Variants in RNF144A observed in about 807,000 individuals in gnomAD.
RNF144A encodes E3 ubiquitin-protein ligase RNF144A.
Under a neutral mutation model 38.7 loss-of-function variants are expected in RNF144A, and 11 were observed. The ratio of observed to expected loss-of-function variants is 0.28; its 90% CI spans 0.18 to 0.47. The LOEUF (loss-of-function observed/expected upper bound fraction) is 0.47. RNF144A is among the 20% of genes least tolerant of loss of function. The pLI is 0.99. For synonymous variants in RNF144A, 149 were observed against 143.9 expected (o/e 1.04, Z -0.25); for missense variants, 316 against 377.2 (o/e 0.84, Z 1.34).
At chr2:6,980,743 A>G (rs1022378626) in intron 2 of RNF144A, among the ~76,000 whole-genome samples, 3 of 152,164 alleles carry the variant, frequency 2.0e-5, no homozygotes, top group African/African-American at 7.2e-5. Context: ...TCACAGCTCC[A>G]CTAGGCAGTG....
chr2:7,047,805 T>G (rs10206107), downstream of RNF144A, among the ~76,000 whole-genome samples: 1,765 of 152,246 alleles, frequency 0.012, 13 homozygotes, highest in Non-Finnish European at 0.015. Context: ...TTTCCATGGG[T>G]TGTGTTTCAT....
At position 6,923,819 on chromosome 2, in the gene RNF144A, G is replaced by A. The variant is rs576200302; in HGVS notation, c.-212+6197G>A. Among the ~76,000 whole-genome samples the A allele has an allele frequency of 1.5e-3, 231 of 150,114 alleles. 1 individual carries two copies. Among genetic ancestry groups the A allele is most frequent in the African/African-American group, 5.5e-3 (224 of 40,884 alleles). On this transcript the variant is annotated intron_variant, in intron 1 of 8. Coordinates refer to ENST00000320892, the MANE Select transcript of RNF144A (RefSeq NM_014746.6). ...ACTTTATTTTTTTTTTTCAGAACCT[G>A]TAGTTGCGTTTAAAACTCTCTAATC...
intron 6 of RNF144A, among the ~76,000 whole-genome samples, chr2:7,054,069 A>G (rs1278198636): frequency 1.3e-5 from 2 of 152,152 alleles, no homozygotes; most frequent in Non-Finnish European, 2.9e-5. Flanking sequence ...CTGACCCTGA[A>G]GGCAGGGGAG....
At chr2:7,034,472 G>C (rs945979219) in intron 8 of RNF144A, among the ~76,000 whole-genome samples, 2 of 152,150 alleles carry the variant, frequency 1.3e-5, no homozygotes, top group Non-Finnish European at 2.9e-5. Context: ...TAAAGAGCTC[G>C]CTTCTGCCAC....
rs903518704 is a variant in RNF144A at position 7,042,269 on chromosome 2, C to A, written c.*2509C>A. ...ATGTAAAATGGAAATAGCACACAGG[C>A]AGATGGCCCTGGGTTTGGACTTTGA... On this transcript the variant is annotated 3_prime_UTR_variant, in exon 9 of 9. Coordinates refer to ENST00000320892, the MANE Select transcript of RNF144A (RefSeq NM_014746.6). The A allele has an allele frequency of 1.0e-6, 1 of 985,426 alleles. No individual in the cohort carries two copies. The highest frequency in any genetic ancestry group is 1.2e-6 in the Non-Finnish European group (1 of 829,932). 61.0% of individuals were successfully genotyped at this position (985,426 alleles called of 1,614,324 possible).
intron 2 of RNF144A, among the ~76,000 whole-genome samples, chr2:6,948,453 G>T (rs59422985): frequency 1.2e-3 from 181 of 152,286 alleles, no homozygotes; most frequent in African/African-American, 4.2e-3. Flanking sequence ...TGGTTATTTT[G>T]CTGGCTTAAA....
chr2:7,039,098 AGATGGGTAGATGGATG>A (rs1672876464), intron 8 of RNF144A, among the ~76,000 whole-genome samples: 1 of 150,926 alleles, frequency 6.6e-6, no homozygotes, highest in African/African-American at 2.4e-5. Flanking sequence ...GATGATGGTT[AGATGGGTAGATGGATG>A]GATGGATAGA....
Position 6,984,920 on chromosome 2 carries a change from A to G in RNF144A, c.-11-11996A>G, listed in dbSNP as rs1384230976. Among the ~76,000 whole-genome samples the G allele has an allele frequency of 2.0e-5, 3 of 152,130 alleles. No individual in the cohort carries two copies. In the East Asian group the frequency reaches 5.8e-4, roughly 29 times the overall value. Reference sequence around the variant, plus strand: ...TGGGTTTTGTCTCCAAAGTCTGCAGATATGTTTTGCCTCCCTCACTGGAAA... The same window carrying G: ...TGGGTTTTGTCTCCAAAGTCTGCAGGTATGTTTTGCCTCCCTCACTGGAAA... On this transcript the variant is annotated intron_variant, in intron 2 of 8. Coordinates refer to ENST00000320892, the MANE Select transcript of RNF144A (RefSeq NM_014746.6).
In RNF144A at chr2:6,930,084, A is replaced by T. The variant is rs911902099; in HGVS notation, c.-211-10864A>T. On this transcript the variant is annotated intron_variant, in intron 1 of 8. Coordinates refer to ENST00000320892, the MANE Select transcript of RNF144A (RefSeq NM_014746.6). The stretch of plus-strand genomic sequence containing the variant: ...GCTTTGGAGAATCCAGCTCCAAGAG[A>T]TGATACTAAATGTGGAGAAAAATAA... Among the ~76,000 whole-genome samples, 11 of 152,238 alleles carry T rather than the reference A, an allele frequency of 7.2e-5. No homozygotes were observed. The South Asian group carries it at 1.9e-3, about 26-fold the overall frequency.
chr2:6,990,002 A>G (rs1207051236), intron 2 of RNF144A, among the ~76,000 whole-genome samples: 1 of 152,152 alleles, frequency 6.6e-6, no homozygotes, highest in African/African-American at 2.4e-5. Flanking sequence ...ATCCCATACC[A>G]CAGTGGCACA....
At chr2:7,023,969 C>A (rs1280916526) in intron 6 of RNF144A, among the ~76,000 whole-genome samples, 1 of 152,186 alleles carries the variant, frequency 6.6e-6, no homozygotes, top group African/African-American at 2.4e-5. Flanking sequence ...CAGCAAAGTA[C>A]ATAAAATTTA....
intron 3 of RNF144A, among the ~76,000 whole-genome samples, chr2:6,998,962 G>C (rs112782020): frequency 6.6e-6 from 1 of 152,224 alleles, no homozygotes; most frequent in African/African-American, 2.4e-5. Flanking sequence ...CATAGCTTGT[G>C]TTCTTACCCT....
intron 8 of RNF144A, among the ~76,000 whole-genome samples, chr2:7,030,523 A>G (rs55650814): frequency 0.067 from 10,153 of 152,204 alleles, 412 homozygotes; most frequent in Middle Eastern, 0.18. Flanking sequence ...GGCCTTGGTC[A>G]TGACCTGCTG....
downstream of RNF144A, among the ~76,000 whole-genome samples, chr2:7,048,416 A>G (rs1032114682): frequency 1.1e-4 from 17 of 152,244 alleles, no homozygotes; most frequent in African/African-American, 4.1e-4. Context: ...ACTTTAGGCA[A>G]GAAAATTAAG....
chr2:7,046,930 A>G (rs1354436228), downstream of RNF144A, among the ~76,000 whole-genome samples: 1 of 152,136 alleles, frequency 6.6e-6, no homozygotes, highest in Non-Finnish European at 1.5e-5. Context: ...ACGTGAGTAC[A>G]TGTGATGTGT....
At chr2:7,017,302 G>T (rs1459480479) in intron 5 of RNF144A, among the ~76,000 whole-genome samples, 5 of 139,460 alleles carry the variant, frequency 3.6e-5, no homozygotes, top group African/African-American at 1.0e-4. Flanking sequence ...ACCGTGTATT[G>T]TTTTTTTTTT....
chr2:7,022,116 G>A (rs577253967), intron 6 of RNF144A, among the ~76,000 whole-genome samples: 3 of 152,364 alleles, frequency 2.0e-5, no homozygotes, highest in Admixed American at 6.5e-5. Context: ...TGCTGGAGGC[G>A]CCTCCTGGGC....
intron 1 of RNF144A, among the ~76,000 whole-genome samples, chr2:6,934,052 AG>A (rs1179877747): frequency 6.6e-6 from 1 of 152,014 alleles, no homozygotes; most frequent in East Asian, 1.9e-4. Flanking sequence ...TGTGGGTCAG[AG>A]TTATGTGTGT....
intron 2 of RNF144A, among the ~76,000 whole-genome samples, chr2:6,984,553 C>T (rs1193666049): frequency 2.6e-5 from 4 of 152,230 alleles, no homozygotes; most frequent in Non-Finnish European, 5.9e-5. Flanking sequence ...CCGCCCGCCT[C>T]AGCCTCCCAA....
Sources: allele counts gnomAD v4.1 joint callset (sites outside exome capture counted in the v4.1 genomes callset), GRCh38; gene constraint gnomAD v4.1.1; transcripts MANE v1.5; gene names NCBI Gene and HGNC (gene_info 2026-07-23, HGNC 2026-07-21).